Variants in TRPM1 observed in about 807,000 individuals in gnomAD.
TRPM1 encodes transient receptor potential cation channel subfamily M member 1, also known as TRPM1-203 APA Isoform, Intron 10.
TRPM1 carries 113 observed loss-of-function variants against 149.4 expected under a neutral mutation model. That is an observed-to-expected ratio of 0.76 (90% CI 0.65 to 0.88). TRPM1 has a LOEUF of 0.88. TRPM1 is among the 40% of genes least tolerant of loss of function. The pLI is 0.00. For synonymous variants in TRPM1, 741 were observed against 759.5 expected, an observed-to-expected ratio of 0.98 and a Z score of 0.40; for missense variants, 1,976 against 2,038.7, an observed-to-expected ratio of 0.97 and a Z score of 0.59.
intron 4 of TRPM1, 75 bp from the exon 5 acceptor site, chr15:31,068,167 C>T: frequency 7.5e-7 from 1 of 1,341,644 alleles, no homozygotes; most frequent in Admixed American, 1.7e-5. Flanking sequence ...GAGGCTATTG[C>T]TCATGTCCAA....
chr15:31,042,767 A>G (rs748544794), intron 16 of TRPM1, among the ~76,000 whole-genome samples: 6 of 152,200 alleles, frequency 3.9e-5, no homozygotes, highest in Non-Finnish European at 7.4e-5. Flanking sequence ...TTTAGTGAGC[A>G]CTGTCCTTTT....
chr15:31,059,012 T>A (rs1274950869), intron 11 of TRPM1, among the ~76,000 whole-genome samples: 1 of 152,024 alleles, frequency 6.6e-6, no homozygotes, highest in Non-Finnish European at 1.5e-5. Flanking sequence ...GAATCCGGGA[T>A]GCAGAGGCTG....
chr15:31,058,381 C>T (rs2034141196), intron 11 of TRPM1, among the ~76,000 whole-genome samples: 1 of 152,124 alleles, frequency 6.6e-6, no homozygotes, highest in Admixed American at 6.5e-5. Context: ...TCATATTTTC[C>T]TTTGTGTGAG....
intron 1 of TRPM1, among the ~76,000 whole-genome samples, chr15:31,146,661 G>T (rs2036228158): frequency 6.6e-6 from 1 of 152,096 alleles, no homozygotes; most frequent in African/African-American, 2.4e-5. Context: ...TAGTCTCCCG[G>T]TCCCTGCATT....
chr15:31,058,955 T>C (rs1271683314), intron 11 of TRPM1, among the ~76,000 whole-genome samples: 7 of 152,020 alleles, frequency 4.6e-5, no homozygotes, highest in African/African-American at 9.7e-5. Flanking sequence ...GTGTGGTGGG[T>C]GCCTGTAGTC....
rs372758777 is a variant in TRPM1 at position 31,061,691 on chromosome 15, G to GTT, written c.1090-179_1090-178dup. Among the ~76,000 whole-genome samples the GTT allele has an allele frequency of 2.7e-3, 391 of 145,814 alleles. 3 individuals are homozygous for GTT. Among genetic ancestry groups the GTT allele is most frequent in the African/African-American group, 9.2e-3 (364 of 39,742 alleles). ...TCTTTTCTTTTTCTTTTTTCTTTTT[G>GTT]TTTTTTTTTTGAGATGGAGTTTCGC... On this transcript the variant is annotated intron_variant, in intron 9 of 27. Transcript: ENST00000256552.
chr15:31,018,776 G>A (rs1042988362), intron 27 of TRPM1, among the ~76,000 whole-genome samples: 4 of 152,252 alleles, frequency 2.6e-5, no homozygotes, highest in African/African-American at 7.2e-5. Context: ...AGTGATTCTC[G>A]TGCCTCAGTA....
At chr15:31,159,080 C>A (rs1391517900) in intron 1 of TRPM1, among the ~76,000 whole-genome samples, 1 of 152,170 alleles carries the variant, frequency 6.6e-6, no homozygotes, top group East Asian at 1.9e-4. Context: ...AGCATGGGAT[C>A]ACCTCAGATA....
intron 1 of TRPM1, among the ~76,000 whole-genome samples, chr15:31,086,152 C>T (rs1407471414): frequency 6.6e-6 from 1 of 152,152 alleles, no homozygotes; most frequent in Non-Finnish European, 1.5e-5. Flanking sequence ...ATCTGCTGGA[C>T]CTGAAGAAAA....
intron 1 of TRPM1, among the ~76,000 whole-genome samples, chr15:31,137,114 G>A (rs568774031): frequency 6.6e-6 from 1 of 152,270 alleles, no homozygotes; most frequent in South Asian, 2.1e-4. Flanking sequence ...TGCTGTGGCA[G>A]GGCACACCAC....
intron 20 of TRPM1, among the ~76,000 whole-genome samples, chr15:31,036,702 G>T (rs1047790364): frequency 3.5e-4 from 54 of 152,352 alleles, no homozygotes; most frequent in African/African-American, 1.3e-3. Context: ...TCTATGGCTG[G>T]GCTCTCCTGC....
intron 11 of TRPM1, among the ~76,000 whole-genome samples, chr15:31,054,580 C>A (rs954415970): frequency 6.6e-6 from 1 of 152,180 alleles, no homozygotes; most frequent in Non-Finnish European, 1.5e-5. Flanking sequence ...CAGGAGTGAG[C>A]CACTGTGCCT....
intron 27 of TRPM1, among the ~76,000 whole-genome samples, chr15:31,010,271 A>G (rs1391874300): frequency 6.6e-6 from 1 of 152,170 alleles, no homozygotes; most frequent in Non-Finnish European, 1.5e-5. Flanking sequence ...TTCAGTTTTC[A>G]AAGTCTTTGT....
At chr15:31,061,385 G>T in intron 10 of TRPM1, 57 bp downstream of exon 10, 1 of 1,554,436 alleles carries the variant, frequency 6.4e-7, no homozygotes, top group Admixed American at 1.7e-5. Flanking sequence ...GGGAGGGAAG[G>T]ATTGCCGGCT....
intron 1 of TRPM1, among the ~76,000 whole-genome samples, chr15:31,135,457 T>C (rs1004732573): frequency 6.6e-6 from 1 of 152,166 alleles, no homozygotes; most frequent in Non-Finnish European, 1.5e-5. Context: ...AAAAAGAGAA[T>C]GATCCATCCT....
At chr15:31,057,699 C>T (rs775793699) in intron 11 of TRPM1, among the ~76,000 whole-genome samples, 17 of 152,170 alleles carry the variant, frequency 1.1e-4, no homozygotes, top group Non-Finnish European at 2.1e-4. Context: ...GATATATCCA[C>T]GTTGCTGACA....
intron 25 of TRPM1, among the ~76,000 whole-genome samples, chr15:31,028,112 C>T (rs2032871396): frequency 6.6e-6 from 1 of 152,046 alleles, no homozygotes; most frequent in Non-Finnish European, 1.5e-5. Context: ...AAAATACTAA[C>T]CAAGATTAAA....
rs576770549 is a variant in TRPM1 at position 31,015,486 on chromosome 15, C to G, written c.3629+10653G>C. 7.9e-4 allele frequency among the ~76,000 whole-genome samples: 119 copies of G among 151,324 alleles called. 5 individuals are homozygous for G. The South Asian group carries it at 0.025, about 32-fold the overall frequency. On this transcript the variant is annotated intron_variant, in intron 27 of 27. Transcript: ENST00000256552. ...CATGTTGTACCCCAAGCTGATAAAG[C>G]AAAAAATGTTAGTTATAAGGAACAG...
chr15:31,034,608 C>T (rs1438441593), intron 21 of TRPM1, among the ~76,000 whole-genome samples: 1 of 152,260 alleles, frequency 6.6e-6, no homozygotes, highest in African/African-American at 2.4e-5. Context: ...CCACACCTCA[C>T]TTAGCTCCTT....
Sources: allele counts gnomAD v4.1 joint callset (sites outside exome capture counted in the v4.1 genomes callset), GRCh38; gene constraint gnomAD v4.1.1; transcripts MANE v1.5; gene names NCBI Gene and HGNC (gene_info 2026-07-23, HGNC 2026-07-21).